The following IL13RA1 variants were observed in gnomAD, a reference collection of about 807,000 sequenced individuals.
IL13RA1 encodes the protein interleukin-13 receptor subunit alpha-1.
Under a neutral mutation model 33.8 loss-of-function variants are expected in IL13RA1, and 14 were observed. The observed-to-expected ratio is 0.41, with a 90% confidence interval of 0.27 to 0.65. The LOEUF is 0.65. IL13RA1 is among the 30% of genes least tolerant of loss of function. The probability of loss-of-function intolerance (pLI) is 0.28; values close to 1 mark genes in which losing one functional copy is unlikely to be tolerated. For missense variants in IL13RA1, 313 were observed against 327.0 expected (o/e 0.96, Z 0.33); for synonymous variants, 116 against 115.7 (o/e 1.00, Z -0.02).
chrX:118,796,973 G>T (rs1369979531), downstream of IL13RA1, among the ~76,000 whole-genome samples: 2 of 112,497 alleles, frequency 1.8e-5, no homozygotes, highest in Non-Finnish European at 3.8e-5. Flanking sequence ...ACTTTGTATA[G>T]GGGAAAGAAA....
intron 1 of IL13RA1, among the ~76,000 whole-genome samples, chrX:118,732,614 T>C (rs2017235331): frequency 9.2e-6 from 1 of 108,360 alleles, no homozygotes; most frequent in South Asian, 4.1e-4. Context: ...CCAAGTGTTC[T>C]CAATGTTCAA....
chrX:118,791,774 TACG>T lies in IL13RA1; in HGVS notation c.1207_1209del (p.Asp403del), dbSNP rs765133693. On this transcript the variant is annotated inframe_deletion, in exon 11 of 11. Transcript: ENST00000371666. Reference sequence around the variant, plus strand: ...TCCTCCCTTCTAGCACTGGAAGAAGTACGACATCTATGAGAAGCAAACCAAGGA... The same window carrying T: ...TCCTCCCTTCTAGCACTGGAAGAAGTACATCTATGAGAAGCAAACCAAGGA... The T allele has an allele frequency of 4.0e-6, 4 of 996,633 alleles. No homozygotes were observed. Among genetic ancestry groups the T allele is most frequent in the African/African-American group, 3.8e-5 (2 of 52,668 alleles). The allele number at this position is 996,633 out of a possible 1,213,427, so 82.1% of individuals were successfully genotyped here.
chrX:118,738,524 C>G (rs1379998978), intron 1 of IL13RA1, among the ~76,000 whole-genome samples: 2 of 111,849 alleles, frequency 1.8e-5, no homozygotes, highest in Non-Finnish European at 3.8e-5. Context: ...GCCTCCAGCT[C>G]CACCCATGTT....
chrX:118,785,053 A>G (rs1373452913), intron 10 of IL13RA1, among the ~76,000 whole-genome samples: 1 of 109,359 alleles, frequency 9.1e-6, no homozygotes, highest in African/African-American at 3.3e-5. Context: ...AAGTTTCTTC[A>G]CTTACAGATT....
intron 3 of IL13RA1, among the ~76,000 whole-genome samples, chrX:118,748,361 GA>G (rs34048610): frequency 0.012 from 628 of 50,986 alleles, 4 homozygotes; most frequent in African/African-American, 0.025. Flanking sequence ...AGGAGTTAAC[GA>G]AAAAAAAAAA....
intron 10 of IL13RA1, among the ~76,000 whole-genome samples, chrX:118,779,886 C>G (rs1182597459): frequency 1.8e-5 from 2 of 111,838 alleles, no homozygotes; most frequent in Non-Finnish European, 3.8e-5. Context: ...GTAACATTGA[C>G]AGCAAAATCA....
At position 118,766,453 on chromosome X, in the gene IL13RA1, GA is replaced by G. The variant is rs2017649840; in HGVS notation, c.829-74del. On this transcript the variant is annotated intron_variant, in intron 6 of 10. Transcript: ENST00000371666. The stretch of plus-strand genomic sequence containing the variant: ...AATGGGATAAAAGGAAAGCTTGTTA[GA>G]AATGACTAGGTGATAGAAAATGGGT... 5 of 521,268 alleles carry G rather than the reference GA, an allele frequency of 9.6e-6. No homozygotes were observed. In the East Asian group the frequency reaches 1.8e-4, roughly 19 times the overall value. 43.0% of individuals were successfully genotyped at this position (521,268 alleles called of 1,213,427 possible).
chrX:118,761,691 G>C lies in IL13RA1; in HGVS notation c.828+402G>C, dbSNP rs5957055. Among the ~76,000 whole-genome samples, 634 of 111,984 alleles carry C rather than the reference G, an allele frequency of 5.7e-3. 3 individuals are homozygous for C. The highest frequency in any genetic ancestry group is 0.019 in the African/African-American group (598 of 30,781). On this transcript the variant is annotated intron_variant, in intron 6 of 10. Coordinates refer to ENST00000371666, the MANE Select transcript of IL13RA1 (RefSeq NM_001560.3). ...GTAAATAAGCAAGCTAATTTCAGAG[G>C]ATGAGTGCTGTGAAGAAAATAAAAT... is the stretch of plus-strand genomic sequence containing the variant.
chrX:118,784,090 A>ATATATATATATAT (rs1200223891), intron 10 of IL13RA1, among the ~76,000 whole-genome samples: 1,047 of 63,333 alleles, frequency 0.017, 27 homozygotes, highest in Middle Eastern at 0.028. Context: ...AAAAAAAAAA[A>ATATATATATATAT]ATATATATAT....
chrX:118,768,903 C>T (rs749272253), intron 8 of IL13RA1, among the ~76,000 whole-genome samples: 3 of 112,265 alleles, frequency 2.7e-5, no homozygotes, highest in African/African-American at 6.5e-5. Flanking sequence ...TAATACATTT[C>T]TGTTGTTGTA....
At chrX:118,780,268 G>T (rs982025454) in intron 10 of IL13RA1, among the ~76,000 whole-genome samples, 7 of 112,326 alleles carry the variant, frequency 6.2e-5, no homozygotes, top group Non-Finnish European at 1.1e-4. Flanking sequence ...ATTATTGAAT[G>T]AACATAGCCC....
At chrX:118,738,256 C>T (rs928768038) in intron 1 of IL13RA1, 1 of 111,247 alleles carries the variant, frequency 9.0e-6, no homozygotes, top group Admixed American at 9.6e-5. Flanking sequence ...GGTATATGCA[C>T]AGATTTGCTA....
intron 10 of IL13RA1, among the ~76,000 whole-genome samples, chrX:118,778,024 T>G (rs949728695): frequency 2.4e-4 from 27 of 111,282 alleles, no homozygotes; most frequent in Admixed American, 2.3e-3. Flanking sequence ...TGTGACTCAA[T>G]TTTTTCATTA....
intron 9 of IL13RA1, among the ~76,000 whole-genome samples, 177 bp downstream of exon 9, chrX:118,774,152 C>CTTTTTTTTTTT (rs749517738): frequency 1.0e-5 from 1 of 95,363 alleles, no homozygotes. Flanking sequence ...CTTTTCTTTT[C>CTTTTTTTTTTT]TTTTTTTTTT....
chrX:118,792,511 T>C lies in IL13RA1; in HGVS notation c.*657T>C, dbSNP rs1392801289. ...AACTACAAAAATTAACTGGGTGTGG[T>C]GGCGCGTGCCTGTAATCCCAGCTAC... On this transcript the variant is annotated 3_prime_UTR_variant, in exon 11 of 11. Transcript: ENST00000371666. 9.0e-6 allele frequency: 1 copy of C among 111,331 alleles called. No individual in the cohort carries two copies. Among genetic ancestry groups the C allele is most frequent in the Non-Finnish European group, 1.9e-5 (1 of 53,131 alleles). 9.2% of individuals were successfully genotyped at this position (111,331 alleles called of 1,213,427 possible). A position where few individuals can be genotyped will look rare whatever the true frequency, so the allele number is the denominator to read the frequency against.
intron 4 of IL13RA1, among the ~76,000 whole-genome samples, chrX:118,752,923 T>C: frequency 8.9e-6 from 1 of 112,130 alleles, no homozygotes; most frequent in Non-Finnish European, 1.9e-5. Flanking sequence ...GTTGATGTTG[T>C]AGTAAAGTTT....
At chrX:118,755,809 G>A (rs1007584803) in intron 4 of IL13RA1, among the ~76,000 whole-genome samples, 3 of 111,591 alleles carry the variant, frequency 2.7e-5, no homozygotes, top group Admixed American at 1.9e-4. Flanking sequence ...GGCCATGGGC[G>A]GAAAACATTC....
chrX:118,736,907 A>C (rs973976172), intron 1 of IL13RA1, among the ~76,000 whole-genome samples: 49 of 113,185 alleles, frequency 4.3e-4, no homozygotes, highest in Non-Finnish European at 9.4e-5. Flanking sequence ...TATAGGTGTG[A>C]GTCACCATGC....
intron 4 of IL13RA1, among the ~76,000 whole-genome samples, chrX:118,754,712 G>T (rs757568330): frequency 9.1e-6 from 1 of 109,584 alleles, no homozygotes; most frequent in Non-Finnish European, 1.9e-5. Flanking sequence ...AGTACACAGC[G>T]CTGGCCTCTT....
Sources: allele counts gnomAD v4.1 joint callset (sites outside exome capture counted in the v4.1 genomes callset), GRCh38; gene constraint gnomAD v4.1.1; transcripts MANE v1.5; gene names NCBI Gene and HGNC (gene_info 2026-07-23, HGNC 2026-07-21).